PLEKHG1: variants seen among roughly 807,000 people sequenced by gnomAD.
PLEKHG1 encodes the protein pleckstrin homology domain-containing family G member 1.
In PLEKHG1, 44 loss-of-function variants were observed where a neutral mutation model predicts 100.8. The ratio of observed to expected loss-of-function variants is 0.44; its 90% confidence interval spans 0.34 to 0.56. The LOEUF (loss-of-function observed/expected upper bound fraction) is 0.56. Ranked by LOEUF, PLEKHG1 falls within the 20% of genes least tolerant of loss-of-function variation. PLEKHG1 has a pLI of 0.01. For synonymous variants in PLEKHG1, 640 were observed against 662.5 expected (o/e 0.97, Z 0.52); for missense variants, 1,545 against 1,720.9 (o/e 0.90, Z 1.81).
At chr6:150,820,766 G>C (rs1776248355) in intron 12 of PLEKHG1, among the ~76,000 whole-genome samples, 1 of 152,124 alleles carries the variant, frequency 6.6e-6, no homozygotes, top group African/African-American at 2.4e-5. Context: ...TCGGGAGGCT[G>C]AGGCAGGAGA....
chr6:150,690,795 G>A (rs1344218922), intron 3 of PLEKHG1, among the ~76,000 whole-genome samples: 1 of 152,176 alleles, frequency 6.6e-6, no homozygotes, highest in Non-Finnish European at 1.5e-5. Context: ...CAAGTTATTT[G>A]GTTTGTTGAG....
At chr6:150,698,644 G>A (rs4363049) in intron 3 of PLEKHG1, among the ~76,000 whole-genome samples, 54,873 of 152,040 alleles carry the variant, frequency 0.36, 10,582 homozygotes, top group Middle Eastern at 0.46. Context: ...CTCCTGTAAC[G>A]CAACTGTAGG....
intron 3 of PLEKHG1, among the ~76,000 whole-genome samples, chr6:150,671,846 G>A (rs1238465879): frequency 2.0e-5 from 3 of 152,184 alleles, no homozygotes; most frequent in Non-Finnish European, 4.4e-5. Flanking sequence ...TGGGGTTGGA[G>A]AGAGAGATGA....
In PLEKHG1 at chr6:150,773,971, T is replaced by G. The variant is rs181577035; in HGVS notation, c.512+5233T>G. Among the ~76,000 whole-genome samples, 44 of 152,352 alleles carry G rather than the reference T, an allele frequency of 2.9e-4. 1 individual carries two copies. Among genetic ancestry groups the G allele is most frequent in the African/African-American group, 1.0e-3 (42 of 41,588 alleles). On this transcript the variant is annotated intron_variant, in intron 3 of 15. Coordinates refer to ENST00000358517, the Ensembl canonical transcript of PLEKHG1. Reference sequence around the variant, plus strand: ...AGATACTTACAGCTTTTGATGTTATTTGGACTAGAACATTTTCTCTATTGT... The same window carrying G: ...AGATACTTACAGCTTTTGATGTTATGTGGACTAGAACATTTTCTCTATTGT...
At chr6:150,840,567 G>A (rs1166551097) in exon 16 of PLEKHG1, 2 of 1,614,208 alleles carry the variant, frequency 1.2e-6, no homozygotes, top group Non-Finnish European at 1.7e-6. Flanking sequence ...TGATGGAGAT[G>A]AAGATGACTA....
chr6:150,788,586 G>A (rs151164652), intron 4 of PLEKHG1, among the ~76,000 whole-genome samples: 7 of 152,234 alleles, frequency 4.6e-5, no homozygotes, highest in East Asian at 1.9e-4. Flanking sequence ...TTAAAGTTTC[G>A]TGCTGGGCAG....
chr6:150,821,803 A>G (rs1776314084), intron 13 of PLEKHG1, among the ~76,000 whole-genome samples: 1 of 151,362 alleles, frequency 6.6e-6, no homozygotes, highest in Admixed American at 6.6e-5. Flanking sequence ...AACTCCATAC[A>G]TCAAAAAGAA....
At chr6:150,750,780 CAAAAAAAAAAAA>C (rs1158670858) in intron 2 of PLEKHG1, among the ~76,000 whole-genome samples, 1 of 37,404 alleles carries the variant, frequency 2.7e-5, no homozygotes, top group African/African-American at 1.0e-4. Context: ...GACTCCATCT[CAAAAAAAAAAAA>C]AAAAAAAAAA....
At chr6:150,706,722 C>A (rs991695025) in intron 3 of PLEKHG1, among the ~76,000 whole-genome samples, 5 of 151,846 alleles carry the variant, frequency 3.3e-5, no homozygotes, top group South Asian at 4.2e-4. Flanking sequence ...TCATAGAAAC[C>A]CTGACCAAAT....
chr6:150,663,074 G>A (rs1031898708), intron 3 of PLEKHG1: 1 of 151,378 alleles, frequency 6.6e-6, no homozygotes, highest in Admixed American at 6.6e-5. Flanking sequence ...TATTGAACAC[G>A]TTATTTTTCT....
At chr6:150,626,410 A>G (rs1323933826) in intron 1 of PLEKHG1, among the ~76,000 whole-genome samples, 1 of 152,122 alleles carries the variant, frequency 6.6e-6, no homozygotes, top group African/African-American at 2.4e-5. Flanking sequence ...TGGACGTTCC[A>G]TTGACGCCTC....
In PLEKHG1 at chr6:150,809,735, G is replaced by A; in HGVS notation, c.1278+1G>A. 2 of 1,606,534 alleles carry A rather than the reference G, an allele frequency of 1.2e-6. No individual in the cohort carries two copies. Among genetic ancestry groups the A allele is most frequent in the Non-Finnish European group, 1.7e-6 (2 of 1,173,202 alleles). ...CCATGCAGCCAAGATTCCAGCTAAG[G>A]TAGGACACTGAATAATGCACAGTGA... On this transcript the variant is annotated splice_donor_variant, in intron 10 of 15. Coordinates refer to ENST00000358517, the Ensembl canonical transcript of PLEKHG1. LOFTEE classifies it high-confidence loss of function.
rs192412768 is a variant in PLEKHG1 at position 150,654,108 on chromosome 6, G to A, written c.-99+3322G>A. The stretch of plus-strand genomic sequence containing the variant: ...CCTACCCTGGTTATTTGATGGAAGG[G>A]CATCAGGGTAGAGCTGCCACTTAGG... On this transcript the variant is annotated intron_variant, in intron 3 of 3. Transcript: ENST00000367326. 9.7e-4 allele frequency among the ~76,000 whole-genome samples: 148 copies of A among 152,304 alleles called. 5 individuals are homozygous for A. Among genetic ancestry groups the A allele is most frequent in the Admixed American group, 8.0e-3 (123 of 15,308 alleles).
At chr6:150,791,777 G>A (rs1289763603) in intron 4 of PLEKHG1, among the ~76,000 whole-genome samples, 1 of 152,034 alleles carries the variant, frequency 6.6e-6, no homozygotes, top group African/African-American at 2.4e-5. Flanking sequence ...CAAAACTAAG[G>A]TTCCAAAAAG....
intron 3 of PLEKHG1, among the ~76,000 whole-genome samples, chr6:150,770,774 G>A (rs1784680932): frequency 6.6e-6 from 1 of 152,198 alleles, no homozygotes; most frequent in African/African-American, 2.4e-5. Flanking sequence ...CCCCTGCACA[G>A]TTTCTCCTTC....
At chr6:150,703,868 T>G in intron 3 of PLEKHG1, among the ~76,000 whole-genome samples, 1 of 152,214 alleles carries the variant, frequency 6.6e-6, no homozygotes, top group East Asian at 1.9e-4. Flanking sequence ...TTTGAAAACT[T>G]GCAGAATTTC....
intron 10 of PLEKHG1, among the ~76,000 whole-genome samples, chr6:150,816,904 C>T (rs963229837): frequency 2.6e-5 from 4 of 152,314 alleles, no homozygotes; most frequent in South Asian, 2.1e-4. Context: ...ACCTAGATCC[C>T]TCGCATGCAT....
intron 4 of PLEKHG1, 125 bp from the exon 6 acceptor site, chr6:150,795,731 A>AC: frequency 2.5e-6 from 1 of 405,018 alleles, no homozygotes; most frequent in Non-Finnish European, 4.2e-6. Context: ...TAAAAAAAAA[A>AC]ACAAAAAACA....
At chr6:150,768,207 T>G (rs1484434102) in intron 2 of PLEKHG1, among the ~76,000 whole-genome samples, 2 of 152,240 alleles carry the variant, frequency 1.3e-5, no homozygotes, top group African/African-American at 4.8e-5. Context: ...CAACAGATAG[T>G]TTTGTGACTT....
Sources: gnomAD v4.1 joint callset for allele counts (sites outside exome capture counted in the v4.1 genomes callset) on GRCh38, gnomAD v4.1.1 for gene constraint, MANE v1.5 for transcripts, NCBI Gene and HGNC (gene_info 2026-07-23, HGNC 2026-07-21) for gene names.